TENM3: variants seen among roughly 807,000 people sequenced by gnomAD.
TENM3 encodes teneurin-3.
TENM3 carries 63 observed loss-of-function variants against 255.1 expected under a neutral mutation model. That is an observed-to-expected ratio of 0.25 (90% CI 0.20 to 0.30). The LOEUF (loss-of-function observed/expected upper bound fraction) is 0.30. TENM3 is among the 10% of genes least tolerant of loss of function. The pLI is 1.00. For synonymous variants in TENM3, 1,306 were observed against 1,322.3 expected, an observed-to-expected ratio of 0.99 and a Z score of 0.27; for missense variants, 2,929 against 3,461.1, an observed-to-expected ratio of 0.85 and a Z score of 3.86.
the TENM3 span, among the ~76,000 whole-genome samples, chr4:182,031,533 TG>T: frequency 1.2e-4 from 19 of 152,146 alleles, no homozygotes; most frequent in South Asian, 2.1e-4. Flanking sequence ...CTTGGCTATA[TG>T]GGGTCTTTTT....
the TENM3 span, among the ~76,000 whole-genome samples, chr4:182,040,374 T>A: frequency 1.3e-5 from 2 of 152,064 alleles, no homozygotes; most frequent in Non-Finnish European, 2.9e-5. Flanking sequence ...TCCAAAGTCA[T>A]CTACTCCTTT....
intron 1 of TENM3, among the ~76,000 whole-genome samples, chr4:182,305,685 C>A (rs192713493): frequency 6.6e-6 from 1 of 152,202 alleles, no homozygotes; most frequent in Non-Finnish European, 1.5e-5. Flanking sequence ...CGGCTCTTTG[C>A]GGCCTTCCTG....
At chr4:182,249,861 C>A (rs116012051) in intron 1 of TENM3, among the ~76,000 whole-genome samples, 7,113 of 151,818 alleles carry the variant, frequency 0.047, 302 homozygotes, top group East Asian at 0.12. Context: ...CACGCCTGAG[C>A]TCAAGGGATC....
the TENM3 span, among the ~76,000 whole-genome samples, chr4:181,954,436 A>G: frequency 6.6e-6 from 1 of 152,194 alleles, no homozygotes; most frequent in Non-Finnish European, 1.5e-5. Flanking sequence ...AACACGTGGT[A>G]TGGTTAGTCT....
At chr4:182,424,162 T>C (rs1362697532) in intron 3 of TENM3, among the ~76,000 whole-genome samples, 1 of 152,206 alleles carries the variant, frequency 6.6e-6, no homozygotes, top group Non-Finnish European at 1.5e-5. Context: ...TTCTGTATTT[T>C]CTTTGGTTGC....
the TENM3 span, among the ~76,000 whole-genome samples, chr4:181,961,747 G>C: frequency 6.6e-6 from 1 of 152,044 alleles, no homozygotes; most frequent in Non-Finnish European, 1.5e-5. Flanking sequence ...GTTTCTGTAG[G>C]GGTTTCTATA....
chr4:181,553,551 C>T, the TENM3 span, among the ~76,000 whole-genome samples: 2 of 151,848 alleles, frequency 1.3e-5, no homozygotes, highest in East Asian at 1.9e-4. Flanking sequence ...ACGTCATTCT[C>T]CTGCCTCAGC....
At chr4:181,774,886 T>C in the TENM3 span, among the ~76,000 whole-genome samples, 4 of 133,262 alleles carry the variant, frequency 3.0e-5, no homozygotes, top group African/African-American at 1.3e-4. Context: ...CTTGTAAATT[T>C]GTTTGAGTTC....
At chr4:182,380,043 C>T (rs539435655) in intron 3 of TENM3, among the ~76,000 whole-genome samples, 80 of 151,994 alleles carry the variant, frequency 5.3e-4, no homozygotes, top group Non-Finnish European at 9.6e-4. Context: ...CCAAGGCGGG[C>T]GGATCACCTG....
intron 2 of TENM3, among the ~76,000 whole-genome samples, chr4:182,329,889 A>G (rs2150544392): frequency 6.6e-6 from 1 of 152,360 alleles, no homozygotes; most frequent in East Asian, 1.9e-4. Flanking sequence ...GCACACACAC[A>G]AACTGAGGCA....
intron 1 of TENM3, among the ~76,000 whole-genome samples, chr4:182,318,590 G>T (rs144576655): frequency 1.3e-5 from 2 of 152,252 alleles, no homozygotes; most frequent in Non-Finnish European, 2.9e-5. Flanking sequence ...CAAATACTTT[G>T]CAGAGTGTTG....
At position 182,800,231 on chromosome 4, in the gene TENM3, CGCCGGCAAGGTGCAGG is replaced by C; in HGVS notation, c.7983_7998del (p.Gly2662ThrfsTer89). Reference sequence around the variant, plus strand: ...AGGGCGAGAAGCGGCAGCTGCTGAGCGCCGGCAAGGTGCAGGGCTACGACGGGTACTACGTACTCTC... The same window carrying C: ...AGGGCGAGAAGCGGCAGCTGCTGAGCGCTACGACGGGTACTACGTACTCTC... On this transcript the variant is annotated frameshift_variant, in exon 28 of 28. Transcript: ENST00000511685. LOFTEE classifies it high-confidence loss of function. 6.3e-7 allele frequency: 1 copy of C among 1,592,458 alleles called. No individual in the cohort carries two copies. Among genetic ancestry groups the C allele is most frequent in the Non-Finnish European group, 8.5e-7 (1 of 1,177,636 alleles).
the TENM3 span, among the ~76,000 whole-genome samples, chr4:182,027,374 T>A: frequency 1.4e-4 from 22 of 152,278 alleles, no homozygotes; most frequent in South Asian, 3.9e-3. Flanking sequence ...TAGTTTTTTA[T>A]GGAGTCTTTA....
At chr4:181,556,195 A>G in the TENM3 span, among the ~76,000 whole-genome samples, 2 of 151,922 alleles carry the variant, frequency 1.3e-5, no homozygotes, top group South Asian at 2.1e-4. Flanking sequence ...ATTATTTTGT[A>G]TTTTCTTCCT....
At chr4:181,470,765 T>A in the TENM3 span, among the ~76,000 whole-genome samples, 1 of 152,174 alleles carries the variant, frequency 6.6e-6, no homozygotes, top group African/African-American at 2.4e-5. Context: ...TTGATTCCTA[T>A]GATAATTGCC....
chr4:182,543,501 G>A (rs949717646), intron 3 of TENM3, among the ~76,000 whole-genome samples: 5 of 152,062 alleles, frequency 3.3e-5, no homozygotes, highest in Non-Finnish European at 5.9e-5. Context: ...AAGAATGGGC[G>A]AGCACAAGGA....
intron 11 of TENM3, 68 bp from the exon 12 acceptor site, chr4:182,688,098 C>T: frequency 2.2e-6 from 3 of 1,380,658 alleles, no homozygotes; most frequent in Non-Finnish European, 2.9e-6. Flanking sequence ...ATAAAAGCTG[C>T]TTATTAATTC....
At chr4:181,804,616 A>G in the TENM3 span, among the ~76,000 whole-genome samples, 4 of 152,188 alleles carry the variant, frequency 2.6e-5, no homozygotes, top group African/African-American at 4.8e-5. Flanking sequence ...AGGCAATTCC[A>G]GGTGGTTGAA....
At chr4:182,159,447 A>AGTGTGTGTGT (rs67981646) in intron 1 of TENM3, among the ~76,000 whole-genome samples, 17 of 130,782 alleles carry the variant, frequency 1.3e-4, no homozygotes, top group African/African-American at 4.8e-4. Flanking sequence ...AGTGTGTATG[A>AGTGTGTGTGT]GTGTGTGTGT....
Sources: allele counts gnomAD v4.1 joint callset (sites outside exome capture counted in the v4.1 genomes callset), GRCh38; gene constraint gnomAD v4.1.1; transcripts MANE v1.5; gene names NCBI Gene and HGNC (gene_info 2026-07-23, HGNC 2026-07-21).